Variants in RAB23 observed in about 807,000 individuals in gnomAD.
RAB23 encodes RAB23, member RAS oncogene family, also known as ras-related protein Rab-23.
RAB23 carries 15 observed loss-of-function variants against 30.0 expected under a neutral mutation model. That is an observed-to-expected ratio of 0.50 (90% CI 0.33 to 0.77). The LOEUF (loss-of-function observed/expected upper bound fraction) is 0.77, where lower values mean the gene tolerates loss of function less well. Among genes scored for constraint, RAB23 ranks in the 30% least tolerant of loss-of-function variants. The pLI is 0.02. For missense variants in RAB23, 243 were observed against 275.4 expected (o/e 0.88, Z 0.83); for synonymous variants, 93 against 94.0 (o/e 0.99, Z 0.06).
chr6:57,197,072 A>C (rs1187997674), intron 3 of RAB23, among the ~76,000 whole-genome samples: 2 of 152,192 alleles, frequency 1.3e-5, no homozygotes, highest in African/African-American at 4.8e-5. Flanking sequence ...CATTTGCTTA[A>C]TTTCTTTCAG....
intron 3 of RAB23, among the ~76,000 whole-genome samples, chr6:57,199,722 T>C (rs964039625): frequency 6.6e-6 from 1 of 152,242 alleles, no homozygotes; most frequent in African/African-American, 2.4e-5. Context: ...ACGGTTCACC[T>C]GATACCAAGC....
At chr6:57,206,172 G>T (rs752160467) in intron 3 of RAB23, among the ~76,000 whole-genome samples, 25 of 152,160 alleles carry the variant, frequency 1.6e-4, no homozygotes, top group Non-Finnish European at 3.1e-4. Context: ...TATGCAGAGA[G>T]CGCAGGTCTG....
Position 57,190,066 on chromosome 6 carries a change from C to A in RAB23, c.*395G>T. The stretch of plus-strand genomic sequence containing the variant: ...GATTCAATACTATTTCGCAGAAAAG[C>A]TACATGACCAATTTCAGGAAAAGAA... On this transcript the variant is annotated 3_prime_UTR_variant, in exon 7 of 7. Coordinates refer to ENST00000468148, the MANE Select transcript of RAB23 (RefSeq NM_016277.5). 1 of 229,398 alleles carries A rather than the reference C, an allele frequency of 4.4e-6. No homozygotes were observed. The highest frequency in any genetic ancestry group is 6.3e-5 in the South Asian group (1 of 15,952). 14.2% of individuals were successfully genotyped at this position (229,398 alleles called of 1,614,324 possible).
intron 4 of RAB23, among the ~76,000 whole-genome samples, chr6:57,195,692 G>C (rs1343399872): frequency 2.0e-5 from 3 of 152,196 alleles, no homozygotes; most frequent in Non-Finnish European, 4.4e-5. Flanking sequence ...CCTGCCAAGT[G>C]AATAAGCCAT....
Position 57,210,410 on chromosome 6 carries a change from CTCT to C in RAB23, c.-33_-31del, listed in dbSNP as rs1562658315. The C allele has an allele frequency of 6.2e-7, 1 of 1,608,288 alleles. No homozygotes were observed. The highest frequency in any genetic ancestry group is 8.5e-7 in the Non-Finnish European group (1 of 1,175,070). On this transcript the variant is annotated 5_prime_UTR_variant, in exon 2 of 7. Transcript: ENST00000468148. ...GGAGCTGAAATGGTTTCTGTACCAA[CTCT>C]AATTCTAGGAGATCAGATCTTCCCT...
rs1354521613 is a variant in RAB23 at position 57,187,781 on chromosome 6, A to G, written c.*2680T>C. 6.6e-6 allele frequency: 1 copy of G among 151,954 alleles called. No individual in the cohort carries two copies. The highest frequency in any genetic ancestry group is 2.4e-5 in the African/African-American group (1 of 41,348). 9.4% of individuals were successfully genotyped at this position (151,954 alleles called of 1,614,324 possible). On this transcript the variant is annotated 3_prime_UTR_variant, in exon 7 of 7. Coordinates refer to ENST00000468148, the MANE Select transcript of RAB23 (RefSeq NM_016277.5). ...AGTTCCTTCTGAGCACTGCACTGCC[A>G]ACTTCTAAAGCAACCACCTAGAACT...
At chr6:57,198,982 G>A (rs935425006) in intron 3 of RAB23, among the ~76,000 whole-genome samples, 1 of 152,204 alleles carries the variant, frequency 6.6e-6, no homozygotes, top group African/African-American at 2.4e-5. Flanking sequence ...ATTTAGCAGG[G>A]GACAGAATGG....
chr6:57,218,033 T>C (rs914603195), intron 1 of RAB23, among the ~76,000 whole-genome samples: 1 of 152,314 alleles, frequency 6.6e-6, no homozygotes, highest in East Asian at 1.9e-4. Flanking sequence ...CAATATAATA[T>C]AGGTCCATTT....
chr6:57,218,107 A>G (rs1051973321), intron 1 of RAB23, among the ~76,000 whole-genome samples: 2 of 152,246 alleles, frequency 1.3e-5, no homozygotes, highest in Non-Finnish European at 2.9e-5. Context: ...AGAAATCTAC[A>G]GGATCAGGCA....
At chr6:57,220,623 T>C (rs987590634) in intron 1 of RAB23, among the ~76,000 whole-genome samples, 2 of 152,206 alleles carry the variant, frequency 1.3e-5, no homozygotes, top group Non-Finnish European at 2.9e-5. Context: ...AAAGGCATTA[T>C]GCTGAGTGAA....
intron 1 of RAB23, among the ~76,000 whole-genome samples, chr6:57,211,593 A>C (rs550026049): frequency 6.6e-6 from 1 of 152,234 alleles, no homozygotes; most frequent in Non-Finnish European, 1.5e-5. Context: ...AAAGCACCCC[A>C]AAGAAGGTTT....
intron 3 of RAB23, among the ~76,000 whole-genome samples, chr6:57,200,849 C>A (rs1765227840): frequency 6.6e-6 from 1 of 152,130 alleles, no homozygotes; most frequent in Non-Finnish European, 1.5e-5. Context: ...GTGCCTCTCC[C>A]AATGGCAGGG....
chr6:57,200,635 A>C (rs1765220463), intron 3 of RAB23, among the ~76,000 whole-genome samples: 1 of 151,668 alleles, frequency 6.6e-6, no homozygotes, highest in African/African-American at 2.4e-5. Flanking sequence ...TGAGGGTGCT[A>C]TCACCACCTG....
chr6:57,190,712 A>C, intron 6 of RAB23, 112 bp from the exon 7 acceptor site: 1 of 1,413,988 alleles, frequency 7.1e-7, no homozygotes, highest in Non-Finnish European at 9.9e-7. Context: ...GTTTCTCTAA[A>C]ATTGTAGTAA....
intron 1 of RAB23, among the ~76,000 whole-genome samples, chr6:57,216,171 A>G (rs972631640): frequency 6.6e-6 from 1 of 152,250 alleles, no homozygotes; most frequent in Non-Finnish European, 1.5e-5. Context: ...AGGAGCAATA[A>G]GCTCTAATAG....
At chr6:57,219,155 A>G (rs1429906065) in intron 1 of RAB23, among the ~76,000 whole-genome samples, 1 of 152,238 alleles carries the variant, frequency 6.6e-6, no homozygotes, top group Non-Finnish European at 1.5e-5. Flanking sequence ...GGACATATGT[A>G]CAACACACAA....
chr6:57,196,745 A>G, intron 3 of RAB23, 139 bp from the exon 4 acceptor site: 1 of 1,022,724 alleles, frequency 9.8e-7, no homozygotes, highest in Non-Finnish European at 1.5e-6. Context: ...TAAATGTTGA[A>G]CTCATCTTTG....
chr6:57,207,591 G>T lies in RAB23; in HGVS notation c.241+37C>A, dbSNP rs546875326. 5.4e-5 allele frequency: 78 copies of T among 1,435,332 alleles called. No individual in the cohort carries two copies. In the African/African-American group the frequency reaches 8.8e-4, roughly 16 times the overall value. 88.9% of individuals were successfully genotyped at this position (1,435,332 alleles called of 1,614,324 possible). On this transcript the variant is annotated intron_variant, in intron 3 of 6. Coordinates refer to ENST00000468148, the MANE Select transcript of RAB23 (RefSeq NM_016277.5). Reference sequence around the variant, plus strand: ...ATTATTTATTTAGCCAAAATAATATGCCCAAACAAAATAAATAAATAAATC... The same window carrying T: ...ATTATTTATTTAGCCAAAATAATATTCCCAAACAAAATAAATAAATAAATC...
At chr6:57,207,014 A>T (rs1562656349) in intron 3 of RAB23, among the ~76,000 whole-genome samples, 2 of 152,356 alleles carry the variant, frequency 1.3e-5, no homozygotes, top group South Asian at 4.1e-4. Context: ...CACTATTGGC[A>T]GTTGAGTTAC....
Sources: gnomAD v4.1 joint callset for allele counts (sites outside exome capture counted in the v4.1 genomes callset) on GRCh38, gnomAD v4.1.1 for gene constraint, MANE v1.5 for transcripts, NCBI Gene and HGNC (gene_info 2026-07-23, HGNC 2026-07-21) for gene names.